HACD2: variants seen among roughly 807,000 people sequenced by gnomAD.
The protein encoded by HACD2 is 3-hydroxyacyl-CoA dehydratase 2, also known as very-long-chain (3R)-3-hydroxyacyl-CoA dehydratase 2.
A neutral mutation model predicts 31.0 loss-of-function variants in HACD2; 15 were observed. That is an observed-to-expected ratio of 0.48 (90% CI 0.32 to 0.75). HACD2 has a LOEUF of 0.75. HACD2 is among the 30% of genes least tolerant of loss of function. The pLI is 0.03. For missense variants in HACD2, 283 were observed against 313.0 expected (o/e 0.90, Z 0.72); for synonymous variants, 115 against 122.2 (o/e 0.94, Z 0.39).
At chr3:123,533,644 A>C (rs1222508706) in intron 3 of HACD2, among the ~76,000 whole-genome samples, 1 of 152,218 alleles carries the variant, frequency 6.6e-6, no homozygotes, top group African/African-American at 2.4e-5. Flanking sequence ...ACTAGCCTAA[A>C]ATTCATTCAA....
In HACD2 at chr3:123,511,954, C is replaced by T. The variant is rs80184947; in HGVS notation, c.382-9273G>A. Among the ~76,000 whole-genome samples, 883 of 152,242 alleles carry T rather than the reference C, an allele frequency of 5.8e-3. 9 individuals carry two copies. Among genetic ancestry groups the T allele is most frequent in the African/African-American group, 0.019 (808 of 41,542 alleles). On this transcript the variant is annotated intron_variant, in intron 4 of 6. Transcript: ENST00000383657. ...CCGTTGCCACCCCCTAGCTCCTCTT[C>T]GCCATGTGACCTCTGCACAGGCTGG...
intron 3 of HACD2, among the ~76,000 whole-genome samples, chr3:123,538,975 C>A (rs1013054792): frequency 6.6e-6 from 1 of 152,090 alleles, no homozygotes; most frequent in Non-Finnish European, 1.5e-5. Flanking sequence ...CTGTGATGTA[C>A]GAGTAATTTA....
intron 3 of HACD2, among the ~76,000 whole-genome samples, chr3:123,541,601 G>A (rs1458236312): frequency 2.0e-5 from 3 of 152,126 alleles, no homozygotes; most frequent in Non-Finnish European, 4.4e-5. Context: ...CTAAGAAAAT[G>A]TTGGCTGTCA....
At chr3:123,507,223 C>G (rs1368844244) in intron 4 of HACD2, among the ~76,000 whole-genome samples, 2 of 152,068 alleles carry the variant, frequency 1.3e-5, no homozygotes, top group African/African-American at 4.8e-5. Flanking sequence ...CCACTGCACT[C>G]CAGCCTGGGT....
At chr3:123,539,903 GTC>G (rs1242419951) in intron 3 of HACD2, among the ~76,000 whole-genome samples, 1 of 87,694 alleles carries the variant, frequency 1.1e-5, no homozygotes, top group East Asian at 3.5e-4. Flanking sequence ...GCAAGGCCTC[GTC>G]TCTACTAAAA....
In HACD2 at chr3:123,492,923, T is replaced by C. The variant is rs961476150; in HGVS notation, c.*1965A>G. ...ATATTTTGTCTATCAAATACAAGAA[T>C]AGATTCTAATTTCAACATGTCCAAG... On this transcript the variant is annotated 3_prime_UTR_variant, in exon 7 of 7. Transcript: ENST00000383657. The C allele has an allele frequency of 3.3e-5, 5 of 152,220 alleles. No homozygotes were observed. The highest frequency in any genetic ancestry group is 6.5e-5 in the Admixed American group (1 of 15,288). The allele number at this position is 152,220 out of a possible 1,614,324, so 9.4% of individuals were successfully genotyped here.
intron 4 of HACD2, among the ~76,000 whole-genome samples, chr3:123,505,202 C>T (rs899456767): frequency 6.6e-6 from 1 of 152,112 alleles, no homozygotes; most frequent in Admixed American, 6.5e-5. Flanking sequence ...TATGTGGTAC[C>T]TAGGGTGAGG....
intron 2 of HACD2, among the ~76,000 whole-genome samples, chr3:123,569,619 C>T (rs1022906405): frequency 1.3e-5 from 2 of 152,116 alleles, no homozygotes; most frequent in Non-Finnish European, 2.9e-5. Context: ...GCCTTGGCCT[C>T]CTAAAGTGCT....
intron 3 of HACD2, among the ~76,000 whole-genome samples, chr3:123,560,042 G>A (rs2056711037): frequency 1.3e-5 from 2 of 152,154 alleles, no homozygotes; most frequent in Non-Finnish European, 2.9e-5. Flanking sequence ...AGAGCTTGGT[G>A]TTCCACGCCA....
chr3:123,582,512 C>T (rs1300562974), intron 1 of HACD2, among the ~76,000 whole-genome samples, 183 bp from the exon 2 acceptor site: 1 of 152,138 alleles, frequency 6.6e-6, no homozygotes, highest in African/African-American at 2.4e-5. Context: ...GCAACACCGA[C>T]AGCACCTTAC....
intron 1 of HACD2, among the ~76,000 whole-genome samples, chr3:123,582,761 C>T (rs1440968141): frequency 6.6e-6 from 1 of 151,998 alleles, no homozygotes; most frequent in South Asian, 2.1e-4. Context: ...ATGCTTTAAA[C>T]TATTGTTATA....
intron 3 of HACD2, chr3:123,543,744 TA>T: frequency 2.9e-6 from 1 of 346,950 alleles, no homozygotes; most frequent in Non-Finnish European, 5.7e-6. Flanking sequence ...AGACCAGGTC[TA>T]AAAGGAAACA....
At chr3:123,514,203 A>G (rs1454382990) in intron 4 of HACD2, among the ~76,000 whole-genome samples, 5 of 152,172 alleles carry the variant, frequency 3.3e-5, no homozygotes, top group Non-Finnish European at 7.3e-5. Context: ...TGAGCCCAGG[A>G]GGCAGAGGTT....
intron 4 of HACD2, among the ~76,000 whole-genome samples, chr3:123,522,662 C>CT (rs4048459): frequency 0.6 from 87,417 of 146,318 alleles, 26,294 homozygotes; most frequent in Non-Finnish European, 0.65. Context: ...AATAAGGAGA[C>CT]TTTTTTTTTT....
chr3:123,518,274 T>C (rs2056170810), intron 4 of HACD2, among the ~76,000 whole-genome samples: 1 of 152,224 alleles, frequency 6.6e-6, no homozygotes, highest in Admixed American at 6.5e-5. Flanking sequence ...AATCTAGATT[T>C]CTGCCTTTTC....
intron 5 of HACD2, among the ~76,000 whole-genome samples, chr3:123,501,986 C>T (rs146926249): frequency 5.7e-4 from 87 of 152,320 alleles, no homozygotes; most frequent in Middle Eastern, 3.4e-3. Flanking sequence ...AAACTGCCTA[C>T]AACTGTCTCA....
At chr3:123,518,756 G>A (rs999505255) in intron 4 of HACD2, among the ~76,000 whole-genome samples, 2 of 152,108 alleles carry the variant, frequency 1.3e-5, no homozygotes, top group African/African-American at 2.4e-5. Flanking sequence ...CAGCAACTTC[G>A]GGAGGCCAAG....
At chr3:123,529,005 C>G (rs887167753) in intron 3 of HACD2, among the ~76,000 whole-genome samples, 2 of 43,874 alleles carry the variant, frequency 4.6e-5, no homozygotes, top group Admixed American at 3.4e-4. Context: ...ATCTTTAAAA[C>G]CTTTTTTTTT....
At chr3:123,568,129 T>C (rs1357127337) in intron 2 of HACD2, among the ~76,000 whole-genome samples, 1 of 152,228 alleles carries the variant, frequency 6.6e-6, no homozygotes, top group African/African-American at 2.4e-5. Context: ...CCATATGCTA[T>C]AGAACAGAAC....
Sources: allele counts gnomAD v4.1 joint callset (sites outside exome capture counted in the v4.1 genomes callset), GRCh38; gene constraint gnomAD v4.1.1; transcripts MANE v1.5; gene names NCBI Gene and HGNC (gene_info 2026-07-23, HGNC 2026-07-21).